PPP1R12A: variants seen among roughly 807,000 people sequenced by gnomAD.
The protein encoded by PPP1R12A is myosin binding subunit.
In PPP1R12A, 19 loss-of-function variants were observed where a neutral mutation model predicts 139.6. That is an observed-to-expected ratio of 0.14 (90% CI 0.09 to 0.20). The LOEUF (loss-of-function observed/expected upper bound fraction) is 0.20. PPP1R12A is among the 10% of genes least tolerant of loss of function. The pLI is 1.00. For missense variants in PPP1R12A, 925 were observed against 1,211.5 expected, an observed-to-expected ratio of 0.76 and a Z score of 3.51; for synonymous variants, 427 against 420.6, an observed-to-expected ratio of 1.02 and a Z score of -0.19.
intron 4 of PPP1R12A, 28 bp downstream of exon 4, chr12:79,832,304 G>C (rs1443161875): frequency 3.2e-6 from 5 of 1,565,596 alleles, no homozygotes; most frequent in Non-Finnish European, 4.3e-6. Flanking sequence ...AACTAAAATA[G>C]AAAAACTCTG....
At chr12:79,828,178 C>T (rs1030781041) in intron 5 of PPP1R12A, 142 bp downstream of exon 5, 1 of 706,836 alleles carries the variant, frequency 1.4e-6, no homozygotes, top group African/African-American at 1.9e-5. Flanking sequence ...AGTCAGTTGG[C>T]TGAAAAAATG....
chr12:79,898,912 T>C (rs1009654709), intron 1 of PPP1R12A, among the ~76,000 whole-genome samples: 1 of 152,206 alleles, frequency 6.6e-6, no homozygotes. Flanking sequence ...CTTCCATATA[T>C]ACTATTCCTC....
At position 79,775,822 on chromosome 12, in the gene PPP1R12A, G is replaced by A. The variant is rs900863250; in HGVS notation, c.*107C>T. ...TAAGAGGGCATTTGGCAGGATATCC[G>A]AAAATGACAGTCTCCAAGGATTCTT... is the stretch of plus-strand genomic sequence containing the variant. On this transcript the variant is annotated 3_prime_UTR_variant, in exon 25 of 25. Coordinates refer to ENST00000450142, the MANE Select transcript of PPP1R12A (RefSeq NM_002480.3). 21 of 664,814 alleles carry A rather than the reference G, an allele frequency of 3.2e-5. 1 individual carries two copies. Among genetic ancestry groups the A allele is most frequent in the South Asian group, 2.9e-4 (8 of 28,056 alleles). 41.2% of individuals were successfully genotyped at this position (664,814 alleles called of 1,614,324 possible).
chr12:79,828,204 A>G, intron 5 of PPP1R12A, 116 bp downstream of exon 5: 1 of 897,360 alleles, frequency 1.1e-6, no homozygotes, highest in Non-Finnish European at 1.5e-6. Context: ...TACAGTTAAT[A>G]AAAATATAAT....
At chr12:79,920,845 C>T (rs887302608) in intron 1 of PPP1R12A, among the ~76,000 whole-genome samples, 5 of 152,142 alleles carry the variant, frequency 3.3e-5, no homozygotes, top group African/African-American at 7.2e-5. Flanking sequence ...ACTTCTTAGC[C>T]GCCATAGCTG....
intron 10 of PPP1R12A, among the ~76,000 whole-genome samples, chr12:79,809,494 CT>C (rs1229562010): frequency 1.3e-5 from 2 of 151,922 alleles, no homozygotes; most frequent in African/African-American, 4.8e-5. Context: ...CAGAAAGTTT[CT>C]TGAATCATAA....
chr12:79,857,397 A>C lies in PPP1R12A; in HGVS notation c.369-11977T>G, dbSNP rs150934010. Among the ~76,000 whole-genome samples, 1,125 of 149,782 alleles carry C rather than the reference A, an allele frequency of 7.5e-3. 16 individuals are homozygous for C. Among genetic ancestry groups the C allele is most frequent in the African/African-American group, 0.026 (1,067 of 40,694 alleles). ...AATTGAACAATGAGAACATATGGAC[A>C]CAGGAAGGGGAACATCACACTCTGG... On this transcript the variant is annotated intron_variant, in intron 2 of 24. Transcript: ENST00000450142.
intron 1 of PPP1R12A, among the ~76,000 whole-genome samples, chr12:79,913,051 G>C (rs1430232248): frequency 1.3e-5 from 2 of 152,204 alleles, no homozygotes; most frequent in Non-Finnish European, 1.5e-5. Context: ...AGCCATTCCA[G>C]TGGTATGTGC....
At chr12:79,806,926 C>CACT (rs1873909105) in intron 12 of PPP1R12A, 1 of 212,460 alleles carries the variant, frequency 4.7e-6, no homozygotes, top group South Asian at 8.5e-5. Flanking sequence ...TCCATTAAGA[C>CACT]ACTGGCCTGT....
chr12:79,800,976 G>A (rs1356543258), intron 14 of PPP1R12A, among the ~76,000 whole-genome samples: 4 of 151,214 alleles, frequency 2.6e-5, no homozygotes. Context: ...CTCGTGATCC[G>A]CCCACCTCAG....
intron 1 of PPP1R12A, among the ~76,000 whole-genome samples, chr12:79,920,062 C>G (rs78730398): frequency 6.6e-6 from 1 of 152,356 alleles, no homozygotes; most frequent in East Asian, 1.9e-4. Context: ...AACCATTTAT[C>G]TGCCTTCTTG....
chr12:79,907,531 T>C (rs561395229), intron 1 of PPP1R12A, among the ~76,000 whole-genome samples: 1 of 152,314 alleles, frequency 6.6e-6, no homozygotes, highest in East Asian at 1.9e-4. Context: ...AGCAAGTGCC[T>C]ACAAAGATGA....
chr12:79,848,632 CG>C (rs773000693), intron 2 of PPP1R12A, among the ~76,000 whole-genome samples: 1 of 152,092 alleles, frequency 6.6e-6, no homozygotes, highest in African/African-American at 2.4e-5. Context: ...CAAAAGATTA[CG>C]TACGTGTGTA....
At chr12:79,782,813 G>A (rs569940540) in intron 22 of PPP1R12A, among the ~76,000 whole-genome samples, 2 of 152,160 alleles carry the variant, frequency 1.3e-5, no homozygotes, top group Admixed American at 1.3e-4. Flanking sequence ...ACTTTAACAA[G>A]AATGCTTTAT....
At chr12:79,812,449 TTGTGTGTGTG>T (rs372835131) in intron 9 of PPP1R12A, among the ~76,000 whole-genome samples, 2 of 133,848 alleles carry the variant, frequency 1.5e-5, no homozygotes, top group Admixed American at 7.5e-5. Context: ...CTGTGTGTGT[TTGTGTGTGTG>T]TGTGTGTACA....
At chr12:79,856,086 TCACTGC>T (rs1880621746) in intron 2 of PPP1R12A, among the ~76,000 whole-genome samples, 3 of 152,202 alleles carry the variant, frequency 2.0e-5, no homozygotes, top group Non-Finnish European at 4.4e-5. Flanking sequence ...ACTTCCAATC[TCACTGC>T]CACTGCCCTA....
Position 79,934,974 on chromosome 12 carries a change from G to C in PPP1R12A, c.-43C>G. On this transcript the variant is annotated 5_prime_UTR_variant, in exon 1 of 25. Transcript: ENST00000450142. ...GGTCTTCTTATCGCGAGGGGGGGAA[G>C]GGGGAGGCGGAGAGGGAAGAGAGGG... 6.5e-7 allele frequency: 1 copy of C among 1,538,348 alleles called. No individual in the cohort carries two copies.
At chr12:79,803,392 A>T (rs1873435022) in intron 14 of PPP1R12A, among the ~76,000 whole-genome samples, 1 of 152,132 alleles carries the variant, frequency 6.6e-6, no homozygotes, top group African/African-American at 2.4e-5. Flanking sequence ...AGTTGCCTTT[A>T]TCATTGCTGT....
At chr12:79,784,030 C>T (rs1870799774) in intron 22 of PPP1R12A, among the ~76,000 whole-genome samples, 1 of 152,004 alleles carries the variant, frequency 6.6e-6, no homozygotes, top group South Asian at 2.1e-4. Flanking sequence ...AGTCTCTTGG[C>T]TAAATAGTAT....
Sources: gnomAD v4.1 joint callset for allele counts (sites outside exome capture counted in the v4.1 genomes callset) on GRCh38, gnomAD v4.1.1 for gene constraint, MANE v1.5 for transcripts, NCBI Gene and HGNC (gene_info 2026-07-23, HGNC 2026-07-21) for gene names.